SSPN: variants seen among roughly 807,000 people sequenced by gnomAD.
SSPN encodes K-ras oncogene-associated protein.
In SSPN, 15 loss-of-function variants were observed where a neutral mutation model predicts 19.1. The ratio of observed to expected loss-of-function variants is 0.78; its 90% CI spans 0.52 to 1.21. The LOEUF (loss-of-function observed/expected upper bound fraction) is 1.21, where lower values mean the gene tolerates loss of function less well. Among genes scored for constraint, SSPN ranks in the 50% most tolerant of loss-of-function variants. SSPN has a pLI of 0.00. For missense variants in SSPN, 291 were observed against 314.0 expected (o/e 0.93, Z 0.55); for synonymous variants, 147 against 140.3 (o/e 1.05, Z -0.34).
intron 1 of SSPN, among the ~76,000 whole-genome samples, chr12:26,187,649 G>A (rs1397026329): frequency 6.6e-6 from 1 of 152,206 alleles, no homozygotes; most frequent in Non-Finnish European, 1.5e-5. Flanking sequence ...AGCAGGTGGG[G>A]TCAGAGGTAG....
At chr12:26,157,871 G>A (rs981378346) in intron 1 of SSPN, among the ~76,000 whole-genome samples, 2 of 152,088 alleles carry the variant, frequency 1.3e-5, no homozygotes, top group Admixed American at 6.5e-5. Context: ...GTTCCAGATG[G>A]GCAATGTGCT....
At chr12:26,197,042 A>G (rs1214400925) in intron 1 of SSPN, among the ~76,000 whole-genome samples, 1 of 152,236 alleles carries the variant, frequency 6.6e-6, no homozygotes, top group South Asian at 2.1e-4. Context: ...GATGTGAGGA[A>G]ATAGGCTAAG....
At chr12:26,159,528 C>T (rs1349639925) in intron 1 of SSPN, among the ~76,000 whole-genome samples, 1 of 152,158 alleles carries the variant, frequency 6.6e-6, no homozygotes, top group African/African-American at 2.4e-5. Context: ...AGGGGGATGC[C>T]CCACTGAGCC....
chr12:26,149,577 A>G (rs1254521404), intron 1 of SSPN, among the ~76,000 whole-genome samples: 4 of 152,192 alleles, frequency 2.6e-5, no homozygotes, highest in African/African-American at 9.7e-5. Flanking sequence ...ATCAATAATC[A>G]TATCCAGCTT....
intron 1 of SSPN, among the ~76,000 whole-genome samples, chr12:26,158,867 C>G (rs1358013992): frequency 2.6e-5 from 4 of 152,252 alleles, no homozygotes; most frequent in Non-Finnish European, 5.9e-5. Context: ...GCTACCTGCT[C>G]TTGCCAGTAG....
At chr12:26,225,301 C>T (rs1181861873) in intron 2 of SSPN, among the ~76,000 whole-genome samples, 1 of 151,886 alleles carries the variant, frequency 6.6e-6, no homozygotes, top group African/African-American at 2.4e-5. Context: ...ATAATTGAAG[C>T]TGTTGACATA....
rs1210516245 is a variant in SSPN at position 26,122,300 on chromosome 12, A to G, written c.-31+148A>G. 1,546 of 1,164,980 alleles carry G rather than the reference A, an allele frequency of 1.3e-3. 3 individuals carry two copies. Among genetic ancestry groups the G allele is most frequent in the Middle Eastern group, 2.1e-3 (6 of 2,866 alleles). The allele number at this position is 1,164,980 out of a possible 1,614,324, so 72.2% of individuals were successfully genotyped here. ...AGGGGAACGCGGCGGCGGCGGCGGC[A>G]GCGGCGGCGGCGGCTGCCGCGGCTG... On this transcript the variant is annotated intron_variant, in intron 1 of 2. Coordinates refer to the SSPN transcript ENST00000538142.
intron 1 of SSPN, among the ~76,000 whole-genome samples, chr12:26,187,920 A>G (rs1354409893): frequency 6.6e-6 from 1 of 152,202 alleles, no homozygotes; most frequent in Non-Finnish European, 1.5e-5. Context: ...AAGAATGAGG[A>G]CAAGATTGCC....
intron 1 of SSPN, among the ~76,000 whole-genome samples, chr12:26,185,283 GT>G (rs1384162330): frequency 1.3e-5 from 2 of 152,186 alleles, no homozygotes; most frequent in Non-Finnish European, 2.9e-5. Flanking sequence ...GAAAAGGCAG[GT>G]TCCTGCCCGT....
chr12:26,232,180 C>G lies in SSPN; in HGVS notation c.*1104C>G. On this transcript the variant is annotated 3_prime_UTR_variant, in exon 3 of 3. Coordinates refer to ENST00000242729, the MANE Select transcript of SSPN (RefSeq NM_005086.5). ...TTGGGTAATGCTGATGTGTTCCATT[C>G]ATGAAACTGTATTTGATACATAATC... is the stretch of plus-strand genomic sequence containing the variant. The G allele has an allele frequency of 1.0e-6, 1 of 985,426 alleles. No individual in the cohort carries two copies. The highest frequency in any genetic ancestry group is 1.2e-6 in the Non-Finnish European group (1 of 829,918). The allele number at this position is 985,426 out of a possible 1,614,324, so 61.0% of individuals were successfully genotyped here. A position where few individuals can be genotyped will look rare whatever the true frequency, so the allele number is the denominator to read the frequency against.
chr12:26,201,011 G>GTATA (rs869035319), intron 1 of SSPN, among the ~76,000 whole-genome samples: 59 of 76,018 alleles, frequency 7.8e-4, no homozygotes, highest in African/African-American at 2.6e-3. Context: ...GTTAATTTGT[G>GTATA]TATATATATA....
chr12:26,122,226 G>T, intron 1 of SSPN: 1 of 1,297,996 alleles, frequency 7.7e-7, no homozygotes. Flanking sequence ...GAGGGTCGCG[G>T]CGGCGGCGCC....
chr12:26,122,227 C>T, intron 1 of SSPN: 1 of 1,292,616 alleles, frequency 7.7e-7, no homozygotes, highest in East Asian at 3.2e-5. Flanking sequence ...AGGGTCGCGG[C>T]GGCGGCGCCC....
chr12:26,140,272 A>G (rs1189767194), intron 1 of SSPN, among the ~76,000 whole-genome samples: 5 of 152,208 alleles, frequency 3.3e-5, no homozygotes, highest in African/African-American at 1.2e-4. Flanking sequence ...CATCATTCTC[A>G]GTCAATGACA....
intron 2 of SSPN, among the ~76,000 whole-genome samples, chr12:26,227,126 T>C (rs1945186291): frequency 6.6e-6 from 1 of 152,152 alleles, no homozygotes; most frequent in South Asian, 2.1e-4. Flanking sequence ...TTCCTTATAG[T>C]GTATTCGTGC....
chr12:26,198,368 T>C (rs1305304484), intron 1 of SSPN, among the ~76,000 whole-genome samples: 1 of 152,242 alleles, frequency 6.6e-6, no homozygotes, highest in Non-Finnish European at 1.5e-5. Context: ...GTGTGCCGAA[T>C]AACTTTGGAC....
intron 1 of SSPN, among the ~76,000 whole-genome samples, chr12:26,198,618 A>G (rs924896166): frequency 6.6e-6 from 1 of 152,202 alleles, no homozygotes. Context: ...CTAGACTTGC[A>G]AAACTATCAT....
At chr12:26,163,958 C>A (rs1193501163) in intron 1 of SSPN, among the ~76,000 whole-genome samples, 1 of 152,132 alleles carries the variant, frequency 6.6e-6, no homozygotes, top group Admixed American at 6.5e-5. Context: ...GCTTAGAGGA[C>A]AGAGGAATGT....
chr12:26,198,721 C>G (rs1440993289), intron 1 of SSPN, among the ~76,000 whole-genome samples: 1 of 152,164 alleles, frequency 6.6e-6, no homozygotes, highest in East Asian at 1.9e-4. Flanking sequence ...CCAAGTTACT[C>G]TTTAGCAATC....
Sources: allele counts gnomAD v4.1 joint callset (sites outside exome capture counted in the v4.1 genomes callset), GRCh38; gene constraint gnomAD v4.1.1; transcripts MANE v1.5; gene names NCBI Gene and HGNC (gene_info 2026-07-23, HGNC 2026-07-21).